Variants in ACOX3 observed in about 807,000 individuals in gnomAD.
ACOX3 encodes the protein peroxisomal acyl-coenzyme A oxidase 3.
Under a neutral mutation model 81.5 loss-of-function variants are expected in ACOX3, and 73 were observed. The observed-to-expected ratio is 0.90, with a 90% CI of 0.74 to 1.09. ACOX3 has a LOEUF of 1.09. ACOX3 is among the 50% of genes least tolerant of loss of function. ACOX3 has a pLI of 0.00. For missense variants in ACOX3, 947 were observed against 928.0 expected (o/e 1.02, Z -0.27); for synonymous variants, 387 against 375.1 (o/e 1.03, Z -0.37).
rs758914767 is a variant in ACOX3 at position 8,399,736 on chromosome 4, T to C, written c.777-84A>G. On this transcript the variant is annotated intron_variant, in intron 7 of 17. Transcript: ENST00000356406. This position sits in a 1 kb window ranked among gnomAD's most constrained non-coding sequence, Gnocchi z 4.9. ...TCTCCAAGGGCAGCCTAAAAGCTGA[T>C]GCAATCCCCGAGGACAAAGAAAATG... The C allele has an allele frequency of 7.3e-6, 9 of 1,241,320 alleles. No homozygotes were observed. The highest frequency in any genetic ancestry group is 3.8e-5 in the Admixed American group (2 of 53,272). The allele number at this position is 1,241,320 out of a possible 1,614,324, so 76.9% of individuals were successfully genotyped here.
rs943933630 is a variant in ACOX3, at chr4:8,440,661, A to C, written c.-28T>G. ...CAAATTCCTCACCCACACACTCCAC[A>C]GTTCAACCCCTGCCAGGGAAACCAA... is the stretch of plus-strand genomic sequence containing the variant. On this transcript the variant is annotated 5_prime_UTR_variant, in exon 1 of 18. Coordinates refer to ENST00000356406, the MANE Select transcript of ACOX3 (RefSeq NM_003501.3). 5.9e-6 allele frequency: 5 copies of C among 846,450 alleles called. No individual in the cohort carries two copies. Among genetic ancestry groups the C allele is most frequent in the African/African-American group, 5.4e-5 (3 of 55,196 alleles). 52.4% of individuals were successfully genotyped at this position (846,450 alleles called of 1,614,324 possible).
chr4:8,440,335 C>T (rs1724541979), intron 1 of ACOX3, among the ~76,000 whole-genome samples: 1 of 152,222 alleles, frequency 6.6e-6, no homozygotes, highest in Non-Finnish European at 1.5e-5. Context: ...CAGTAGGTGA[C>T]AGATGACTTT....
intron 5 of ACOX3, among the ~76,000 whole-genome samples, chr4:8,411,347 C>T (rs1721706819): frequency 1.3e-5 from 2 of 152,234 alleles, no homozygotes; most frequent in Non-Finnish European, 2.9e-5. Flanking sequence ...GGGCTTCCTC[C>T]TGTCTAACCA....
chr4:8,440,713 CA>C lies in ACOX3; in HGVS notation c.-81del. 1 of 1,295,018 alleles carries C rather than the reference CA, an allele frequency of 7.7e-7. No homozygotes were observed. Among genetic ancestry groups the C allele is most frequent in the Non-Finnish European group, 1.0e-6 (1 of 998,280 alleles). 80.2% of individuals were successfully genotyped at this position (1,295,018 alleles called of 1,614,324 possible). On this transcript the variant is annotated 5_prime_UTR_variant, in exon 1 of 18. The change abolishes an upstream ATG in the 5' untranslated region. Coordinates refer to ENST00000356406, the MANE Select transcript of ACOX3 (RefSeq NM_003501.3). ...AGCAGGAAAGGATCTCCAGCGGCGC[CA>C]TTCTCATTTCCGGTCCCAGCACCCC...
intron 10 of ACOX3, chr4:8,393,186 T>A (rs1719224294): frequency 6.7e-6 from 1 of 150,262 alleles, no homozygotes; most frequent in African/African-American, 2.5e-5. Flanking sequence ...TATCTAATGA[T>A]GAAAACTTAA....
In ACOX3 at chr4:8,421,594, C is replaced by T. The variant is rs1158470695; in HGVS notation, c.-14-5059G>A. ...AAAATTCTCCTTACCTCTGAATCTACTTCCTCTGATCCCTGCCTCCTAGGT... is the reference window on the plus strand; with the variant it reads ...AAAATTCTCCTTACCTCTGAATCTATTTCCTCTGATCCCTGCCTCCTAGGT... On this transcript the variant is annotated intron_variant, in intron 1 of 17. Transcript: ENST00000356406. Among the ~76,000 whole-genome samples, 3 of 152,362 alleles carry T rather than the reference C, an allele frequency of 2.0e-5. No homozygotes were observed. The South Asian group carries it at 6.2e-4, about 32-fold the overall frequency.
At chr4:8,390,769 G>A (rs542051475) in intron 11 of ACOX3, among the ~76,000 whole-genome samples, 1 of 152,250 alleles carries the variant, frequency 6.6e-6, no homozygotes, top group South Asian at 2.1e-4. Flanking sequence ...GATCCTGAGA[G>A]CATGAAAGGA....
In ACOX3 at chr4:8,400,389, T is replaced by C. The variant is rs1720244519; in HGVS notation, c.777-737A>G. 6.6e-6 allele frequency among the ~76,000 whole-genome samples: 1 copy of C among 152,210 alleles called. No homozygotes were observed. On this transcript the variant is annotated intron_variant, in intron 7 of 17. Coordinates refer to ENST00000356406, the MANE Select transcript of ACOX3 (RefSeq NM_003501.3). The surrounding 1 kb of genome is among the most constrained non-coding windows in gnomAD (Gnocchi z 4.4). ...CAAAGATTGGAATCTCTGATTCTCA[T>C]ATTTCAATCTTAAACCAGAACCCAC...
In ACOX3 at chr4:8,422,373, C is replaced by T. The variant is rs1723039471; in HGVS notation, c.-14-5838G>A. ...TCTATGACCCTATAACACTCCAATA[C>T]CACTTTGTTGTCAGTTAAACAGTGT... is the stretch of plus-strand genomic sequence containing the variant. On this transcript the variant is annotated intron_variant, in intron 1 of 17. Coordinates refer to ENST00000356406, the MANE Select transcript of ACOX3 (RefSeq NM_003501.3). Among the ~76,000 whole-genome samples, 3 of 152,202 alleles carry T rather than the reference C, an allele frequency of 2.0e-5. 1 individual carries two copies. The highest frequency in any genetic ancestry group is 2.0e-4 in the Admixed American group (3 of 15,284).
At chr4:8,402,442 T>C (rs1176543855) in intron 7 of ACOX3, among the ~76,000 whole-genome samples, 1 of 152,232 alleles carries the variant, frequency 6.6e-6, no homozygotes, top group East Asian at 1.9e-4. Context: ...GGCCCCAGCG[T>C]GCTCCAGCCT....
chr4:8,402,639 A>T (rs1053404628), intron 7 of ACOX3, among the ~76,000 whole-genome samples: 2 of 152,250 alleles, frequency 1.3e-5, no homozygotes, highest in South Asian at 4.1e-4. Flanking sequence ...TCTGTTCCAC[A>T]AAAGCTATTA....
intron 14 of ACOX3, among the ~76,000 whole-genome samples, chr4:8,376,924 C>G (rs933011050): frequency 6.6e-6 from 1 of 152,056 alleles, no homozygotes; most frequent in African/African-American, 2.4e-5. Context: ...CCTCAGGCTC[C>G]CACCTGAGGC....
intron 11 of ACOX3, among the ~76,000 whole-genome samples, chr4:8,391,386 T>C (rs1374516170): frequency 6.6e-6 from 1 of 152,164 alleles, no homozygotes; most frequent in Non-Finnish European, 1.5e-5. Context: ...AGATAGAGCA[T>C]CACAAAAACT....
At chr4:8,413,266 AC>A (rs1721956353) in intron 5 of ACOX3, among the ~76,000 whole-genome samples, 1 of 28,540 alleles carries the variant, frequency 3.5e-5, no homozygotes, top group African/African-American at 1.5e-4. Flanking sequence ...GCACCCCTCC[AC>A]AGCACTGACA....
intron 1 of ACOX3, among the ~76,000 whole-genome samples, chr4:8,439,533 G>A (rs1724462266): frequency 6.6e-6 from 1 of 152,178 alleles, no homozygotes; most frequent in Non-Finnish European, 1.5e-5. Context: ...CCAAGTTCAA[G>A]CATTTGGCTC....
chr4:8,400,328 C>G lies in ACOX3; in HGVS notation c.777-676G>C, dbSNP rs1179565327. ...TAAGTTGTACTCCAAGTACAGAACTCCAGATATTCAACAGAAAAGACGGGA... is the reference window on the plus strand; with the variant it reads ...TAAGTTGTACTCCAAGTACAGAACTGCAGATATTCAACAGAAAAGACGGGA... On this transcript the variant is annotated intron_variant, in intron 7 of 17. Coordinates refer to ENST00000356406, the MANE Select transcript of ACOX3 (RefSeq NM_003501.3). The surrounding 1 kb of genome is among the most constrained non-coding windows in gnomAD (Gnocchi z 4.4). Among the ~76,000 whole-genome samples, 1 of 151,896 alleles carries G rather than the reference C, an allele frequency of 6.6e-6. No individual in the cohort carries two copies. Among genetic ancestry groups the G allele is most frequent in the East Asian group, 1.9e-4 (1 of 5,190 alleles).
intron 16 of ACOX3, among the ~76,000 whole-genome samples, chr4:8,372,536 GGAGGAGC>G (rs1716346216): frequency 6.6e-6 from 1 of 152,198 alleles, no homozygotes; most frequent in East Asian, 1.9e-4. Flanking sequence ...TTTGGCTCTT[GGAGGAGC>G]CAAGGAAAAC....
chr4:8,393,438 A>G (rs1465025423), intron 10 of ACOX3, among the ~76,000 whole-genome samples: 2 of 109,872 alleles, frequency 1.8e-5, no homozygotes, highest in East Asian at 2.5e-4. Context: ...GCAGTGAGCC[A>G]AGATCGCACC....
In ACOX3 at chr4:8,430,916, G is replaced by A. The variant is rs1471577125; in HGVS notation, c.-15+9732C>T. Among the ~76,000 whole-genome samples, 4 of 152,176 alleles carry A rather than the reference G, an allele frequency of 2.6e-5. No individual in the cohort carries two copies. Among genetic ancestry groups the A allele is most frequent in the Non-Finnish European group, 4.4e-5 (3 of 68,024 alleles). ...AATGATTTGGGTCCATTGCAGGAGT[G>A]AGAGGGAGAGGGAAGCCATTTCTAG... On this transcript the variant is annotated intron_variant, in intron 1 of 17. Coordinates refer to ENST00000356406, the MANE Select transcript of ACOX3 (RefSeq NM_003501.3). The surrounding 1 kb of genome is among the most constrained non-coding windows in gnomAD (Gnocchi z 5.2).
Sources: allele counts gnomAD v4.1 joint callset (sites outside exome capture counted in the v4.1 genomes callset), GRCh38; gene constraint gnomAD v4.1.1; non-coding constraint Gnocchi (gnomAD v3.1); transcripts MANE v1.5; gene names NCBI Gene and HGNC (gene_info 2026-07-23, HGNC 2026-07-21).